TCF4: variants seen among roughly 807,000 people sequenced by gnomAD.
The protein encoded by TCF4 is transcription factor 4, also known as SL3-3 enhancer factor 2.
TCF4 carries 3 observed loss-of-function variants against 82.1 expected under a neutral mutation model. That is an observed-to-expected ratio of 0.04 (90% CI 0.02 to 0.09). TCF4 has a LOEUF of 0.09. Among genes scored for constraint, TCF4 ranks in the 10% least tolerant of loss-of-function variants. TCF4 has a pLI of 1.00. For synonymous variants in TCF4, 276 were observed against 309.6 expected, an observed-to-expected ratio of 0.89 and a Z score of 1.14; for missense variants, 518 against 852.7, an observed-to-expected ratio of 0.61 and a Z score of 4.89.
chr18:55,269,440 C>T, intron 11 of TCF4: 1 of 315,860 alleles, frequency 3.2e-6, no homozygotes, highest in Non-Finnish European at 6.2e-6. Context: ...AAGAGCCTAG[C>T]ACAATGACTG....
At chr18:55,324,249 T>C (rs2076186544) in intron 8 of TCF4, among the ~76,000 whole-genome samples, 1 of 152,218 alleles carries the variant, frequency 6.6e-6, no homozygotes, top group Admixed American at 6.5e-5. Context: ...AAAGATATAA[T>C]GCTTTGAAAG....
chr18:55,295,630 G>A (rs186399773), intron 8 of TCF4, among the ~76,000 whole-genome samples: 64 of 152,058 alleles, frequency 4.2e-4, no homozygotes, highest in African/African-American at 1.4e-3. Context: ...AAGGCTCCTC[G>A]TCACATTCAT....
intron 8 of TCF4, among the ~76,000 whole-genome samples, chr18:55,303,252 C>CACACACACCCCT (rs2068953829): frequency 6.8e-6 from 1 of 146,514 alleles, no homozygotes; most frequent in South Asian, 2.7e-4. Flanking sequence ...CACACACACA[C>CACACACACCCCT]ACACACACAC....
chr18:55,585,948 G>A, intron 2 of TCF4: 1 of 1,264,990 alleles, frequency 7.9e-7, no homozygotes, highest in Non-Finnish European at 1.0e-6. Context: ...CCTCTTCTTC[G>A]ACGTATCTAG....
chr18:55,533,143 T>C (rs546368430), intron 3 of TCF4, among the ~76,000 whole-genome samples: 25 of 152,284 alleles, frequency 1.6e-4, no homozygotes, highest in Middle Eastern at 6.8e-3. Context: ...ATATACTTCA[T>C]GTTCAAAAAT....
intron 16 of TCF4, among the ~76,000 whole-genome samples, chr18:55,233,586 C>T (rs899381901): frequency 1.3e-5 from 2 of 152,154 alleles, no homozygotes; most frequent in Admixed American, 6.5e-5. Context: ...GAGGCTGAGG[C>T]GGGTGCATCA....
intron 6 of TCF4, among the ~76,000 whole-genome samples, chr18:55,365,918 A>G (rs1474704568): frequency 6.6e-6 from 1 of 151,970 alleles, no homozygotes; most frequent in African/African-American, 2.4e-5. Flanking sequence ...AAAAACAACA[A>G]CAACAAAAAA....
chr18:55,604,083 C>T (rs1328446510), intron 2 of TCF4, among the ~76,000 whole-genome samples: 1 of 152,090 alleles, frequency 6.6e-6, no homozygotes, highest in South Asian at 2.1e-4. Flanking sequence ...TCAGAACAAG[C>T]GTTGGACACA....
intron 2 of TCF4, among the ~76,000 whole-genome samples, chr18:55,615,035 C>T (rs2097710495): frequency 6.6e-6 from 1 of 152,068 alleles, no homozygotes; most frequent in Non-Finnish European, 1.5e-5. Flanking sequence ...TATTTTTGGA[C>T]CCCCAACTCT....
chr18:55,548,604 T>C (rs2097227791), intron 3 of TCF4, among the ~76,000 whole-genome samples: 1 of 152,214 alleles, frequency 6.6e-6, no homozygotes, highest in Non-Finnish European at 1.5e-5. Context: ...ATTAGGTGAT[T>C]TCGTCATTGT....
At chr18:55,403,723 T>C in intron 5 of TCF4, 2 of 1,538,432 alleles carry the variant, frequency 1.3e-6, no homozygotes, top group Non-Finnish European at 1.7e-6. Context: ...ATTCCTATTC[T>C]TAGCCAAACT....
At position 55,299,613 on chromosome 18, in the gene TCF4, A is replaced by T. The variant is rs147766117; in HGVS notation, c.550-19957T>A. 3.9e-3 allele frequency among the ~76,000 whole-genome samples: 590 copies of T among 152,294 alleles called. 2 individuals carry two copies. Among genetic ancestry groups the T allele is most frequent in the Admixed American group, 7.7e-3 (118 of 15,308 alleles). ...GAAATGCAATAGCCAAAGTGAAAAA[A>T]GTCAAAACCTCATGGGCTGCCCATC... is the stretch of plus-strand genomic sequence containing the variant. On this transcript the variant is annotated intron_variant, in intron 8 of 19. Transcript: ENST00000354452.
chr18:55,614,944 GTTA>G (rs1299984550), intron 2 of TCF4, among the ~76,000 whole-genome samples: 2 of 152,088 alleles, frequency 1.3e-5, no homozygotes, highest in Non-Finnish European at 2.9e-5. Flanking sequence ...ATGAATCAAA[GTTA>G]TTATTTTTAT....
chr18:55,278,116 C>T (rs929256528), intron 9 of TCF4, among the ~76,000 whole-genome samples: 16 of 152,068 alleles, frequency 1.1e-4, no homozygotes, highest in Non-Finnish European at 2.1e-4. Context: ...GAATTTCACA[C>T]GTGAACTAAC....
At chr18:55,262,422 G>C (rs771829247) in intron 11 of TCF4, among the ~76,000 whole-genome samples, 27 of 152,262 alleles carry the variant, frequency 1.8e-4, no homozygotes, top group Admixed American at 3.9e-4. Context: ...GGGGTATGTT[G>C]TATTTACTAA....
intron 3 of TCF4, among the ~76,000 whole-genome samples, chr18:55,535,903 G>T (rs2146831815): frequency 6.6e-6 from 1 of 152,248 alleles, no homozygotes. Flanking sequence ...TTTACATCTG[G>T]AAACAGTCCG....
intron 8 of TCF4, among the ~76,000 whole-genome samples, chr18:55,296,313 T>C (rs892522577): frequency 4.6e-5 from 7 of 152,194 alleles, no homozygotes; most frequent in Non-Finnish European, 7.3e-5. Flanking sequence ...TTCCTTAAAT[T>C]CCCTGTGTTC....
At chr18:55,507,007 C>T (rs1289313495) in intron 3 of TCF4, among the ~76,000 whole-genome samples, 4 of 151,998 alleles carry the variant, frequency 2.6e-5, no homozygotes, top group African/African-American at 9.7e-5. Context: ...GGATTACAGG[C>T]GTCCACCACC....
At chr18:55,571,712 A>G (rs2097470819) in intron 3 of TCF4, among the ~76,000 whole-genome samples, 1 of 151,734 alleles carries the variant, frequency 6.6e-6, no homozygotes, top group Non-Finnish European at 1.5e-5. Flanking sequence ...CTATGGCCAG[A>G]GGGGAATGTG....
Sources: gnomAD v4.1 joint callset for allele counts (sites outside exome capture counted in the v4.1 genomes callset) on GRCh38, gnomAD v4.1.1 for gene constraint, MANE v1.5 for transcripts, NCBI Gene and HGNC (gene_info 2026-07-23, HGNC 2026-07-21) for gene names.